The following PLA2G10 variants were observed in gnomAD, a reference collection of about 807,000 sequenced individuals.
PLA2G10 encodes phospholipase A2 group X.
In PLA2G10, 9 loss-of-function variants were observed where a neutral mutation model predicts 7.9. The observed-to-expected ratio is 1.14, with a 90% confidence interval of 0.68 to 1.98. The LOEUF (loss-of-function observed/expected upper bound fraction) is 1.98, where lower values mean the gene tolerates loss of function less well. Among genes scored for constraint, PLA2G10 ranks in the 30% most tolerant of loss-of-function variants. The probability of loss-of-function intolerance (pLI) is 0.00; values close to 1 mark genes in which losing one functional copy is unlikely to be tolerated. For missense variants in PLA2G10, 53 were observed against 65.4 expected (o/e 0.81, Z 0.66); for synonymous variants, 19 against 27.5 (o/e 0.69, Z 0.97).
rs66604338 is a variant in PLA2G10, at chr16:14,677,853, AGATGGATGGATGGATGGATGGATG to A, written c.356-5128_356-5105del. Among the ~76,000 whole-genome samples, 1,378 of 146,190 alleles carry A rather than the reference AGATGGATGGATGGATGGATGGATG, an allele frequency of 9.4e-3. 23 individuals carry two copies. The highest frequency in any genetic ancestry group is 0.033 in the African/African-American group (1,291 of 38,852). On this transcript the variant is annotated intron_variant, in intron 3 of 3. Transcript: ENST00000438167. The stretch of plus-strand genomic sequence containing the variant: ...TTGGATGGATGGGTGATGGATGGAT[AGATGGATGGATGGATGGATGGATG>A]GATGGATGGATGGATGGATAGATGG...
At chr16:14,673,045 G>A (rs1288701285) in intron 3 of PLA2G10, among the ~76,000 whole-genome samples, 1 of 147,270 alleles carries the variant, frequency 6.8e-6, no homozygotes, top group African/African-American at 2.5e-5. Context: ...TCTGAGATGG[G>A]GGCTTGCTCT....
intron 3 of PLA2G10, among the ~76,000 whole-genome samples, chr16:14,681,819 T>A (rs1414993231): frequency 6.6e-6 from 1 of 151,570 alleles, no homozygotes; most frequent in Non-Finnish European, 1.5e-5. Context: ...GACACACCAA[T>A]ATTTTATAAA....
intron 3 of PLA2G10, among the ~76,000 whole-genome samples, chr16:14,685,971 C>T (rs1387262147): frequency 6.7e-6 from 1 of 150,220 alleles, no homozygotes; most frequent in African/African-American, 2.4e-5. Context: ...CCACGCCCAG[C>T]CTCTTTTTTT....
At chr16:14,673,497 A>G (rs903625414) in intron 3 of PLA2G10, among the ~76,000 whole-genome samples, 1 of 151,898 alleles carries the variant, frequency 6.6e-6, no homozygotes, top group South Asian at 2.1e-4. Flanking sequence ...TCAGCCTCCC[A>G]TGTGGCTGGG....
intron 3 of PLA2G10, among the ~76,000 whole-genome samples, chr16:14,685,107 CA>C (rs1372423289): frequency 6.6e-6 from 1 of 152,124 alleles, no homozygotes; most frequent in Non-Finnish European, 1.5e-5. Flanking sequence ...TGTGGTGGCT[CA>C]CGCCTGTAAT....
intron 3 of PLA2G10, among the ~76,000 whole-genome samples, chr16:14,672,953 GA>G (rs1438869659): frequency 6.6e-6 from 1 of 151,878 alleles, no homozygotes; most frequent in Non-Finnish European, 1.5e-5. Context: ...GTTTCAAATG[GA>G]GAGTCCAAAG....
At chr16:14,680,443 T>C (rs919014898) in intron 3 of PLA2G10, among the ~76,000 whole-genome samples, 7 of 151,964 alleles carry the variant, frequency 4.6e-5, no homozygotes, top group Admixed American at 2.6e-4. Flanking sequence ...CAGGCTGGAA[T>C]GCAGTGGCAT....
At chr16:14,686,487 C>T (rs1475854429) in intron 3 of PLA2G10, among the ~76,000 whole-genome samples, 1 of 151,742 alleles carries the variant, frequency 6.6e-6, no homozygotes, top group Non-Finnish European at 1.5e-5. Flanking sequence ...TGGAAAATGC[C>T]ATACATCAGA....
At chr16:14,677,297 G>A (rs1960749240) in intron 3 of PLA2G10, among the ~76,000 whole-genome samples, 1 of 152,132 alleles carries the variant, frequency 6.6e-6, no homozygotes, top group Non-Finnish European at 1.5e-5. Flanking sequence ...AACACAAAAT[G>A]TACCATTTCA....
At chr16:14,679,004 G>T (rs1960805398) in intron 3 of PLA2G10, among the ~76,000 whole-genome samples, 1 of 151,878 alleles carries the variant, frequency 6.6e-6, no homozygotes, top group African/African-American at 2.4e-5. Flanking sequence ...ACTGGCTGTT[G>T]CATCACCTCC....
chr16:14,678,154 G>A (rs927979831), intron 3 of PLA2G10, among the ~76,000 whole-genome samples: 4 of 152,138 alleles, frequency 2.6e-5, no homozygotes, highest in African/African-American at 9.7e-5. Flanking sequence ...TAGCTTCCTG[G>A]CTATAGCCCC....
chr16:14,688,427 C>T lies in PLA2G10; in HGVS notation c.249-156G>A, dbSNP rs560185160. On this transcript the variant is annotated intron_variant, in intron 2 of 3. Coordinates refer to ENST00000438167, the MANE Select transcript of PLA2G10 (RefSeq NM_003561.3). The stretch of plus-strand genomic sequence containing the variant: ...TTTAAGAGACAGGGTCTTTCTCTGT[C>T]GCCCAGGCTGGACTGCAGTGGCACA... Among the ~76,000 whole-genome samples, 10 of 65,020 alleles carry T rather than the reference C, an allele frequency of 1.5e-4. 2 individuals carry two copies. In the East Asian group the frequency reaches 2.6e-3, roughly 17 times the overall value. The allele number at this position is 65,020 out of a possible 152,430, so 42.7% of individuals were successfully genotyped here.
intron 3 of PLA2G10, among the ~76,000 whole-genome samples, chr16:14,684,115 C>A (rs377606913): frequency 7.9e-5 from 12 of 151,140 alleles, no homozygotes; most frequent in African/African-American, 2.4e-4. Context: ...AATCCCAGCA[C>A]TTTGGGAGGC....
chr16:14,678,680 G>A, intron 3 of PLA2G10: 1 of 390,340 alleles, frequency 2.6e-6, no homozygotes, highest in Non-Finnish European at 5.1e-6. Flanking sequence ...TGAGGTGCGA[G>A]GATCGCTTGA....
At chr16:14,678,062 C>G (rs1960775903) in intron 3 of PLA2G10, among the ~76,000 whole-genome samples, 1 of 152,134 alleles carries the variant, frequency 6.6e-6, no homozygotes, top group African/African-American at 2.4e-5. Context: ...TGCCTGTAAG[C>G]TTTCCATGGG....
chr16:14,687,740 T>C (rs1175071704), intron 3 of PLA2G10, among the ~76,000 whole-genome samples: 1 of 151,820 alleles, frequency 6.6e-6, no homozygotes, highest in East Asian at 1.9e-4. Context: ...CTCACGCCTG[T>C]AATCTCAGCA....
At chr16:14,676,308 G>A (rs1358236303) in intron 3 of PLA2G10, among the ~76,000 whole-genome samples, 4 of 152,252 alleles carry the variant, frequency 2.6e-5, no homozygotes, top group Non-Finnish European at 4.4e-5. Flanking sequence ...AGACGTGCGC[G>A]CATTTGTTTA....
At chr16:14,682,748 G>A (rs1238044576) in intron 3 of PLA2G10, among the ~76,000 whole-genome samples, 1 of 151,972 alleles carries the variant, frequency 6.6e-6, no homozygotes, top group Non-Finnish European at 1.5e-5. Context: ...AAGATAGGAG[G>A]AGGAGATAGA....
At chr16:14,678,534 C>T (rs1416019448) in intron 3 of PLA2G10, 4 of 231,924 alleles carry the variant, frequency 1.7e-5, no homozygotes, top group South Asian at 1.3e-4. Context: ...TTTGGGAGGC[C>T]GAGGTAGGTG....
Sources: gnomAD v4.1 joint callset for allele counts (sites outside exome capture counted in the v4.1 genomes callset) on GRCh38, gnomAD v4.1.1 for gene constraint, MANE v1.5 for transcripts, NCBI Gene and HGNC (gene_info 2026-07-23, HGNC 2026-07-21) for gene names.